Variants in SRGAP3 observed in about 807,000 individuals in gnomAD.
SRGAP3 encodes SLIT-ROBO Rho GTPase-activating protein 3.
A neutral mutation model predicts 121.1 loss-of-function variants in SRGAP3; 39 were observed. The observed-to-expected ratio is 0.32, with a 90% CI of 0.25 to 0.42. The LOEUF is 0.42. SRGAP3 is among the 10% of genes least tolerant of loss of function. SRGAP3 has a pLI of 1.00. For synonymous variants in SRGAP3, 601 were observed against 570.0 expected (o/e 1.05, Z -0.77); for missense variants, 1,213 against 1,470.6 (o/e 0.82, Z 2.86).
intron 1 of SRGAP3, among the ~76,000 whole-genome samples, chr3:9,211,127 T>C (rs1952432546): frequency 6.6e-6 from 1 of 152,192 alleles, no homozygotes; most frequent in African/African-American, 2.4e-5. Flanking sequence ...ATTTTCTTAG[T>C]AAGGTGTTGA....
intron 1 of SRGAP3, among the ~76,000 whole-genome samples, chr3:9,127,750 T>G (rs1234286417): frequency 6.6e-6 from 1 of 152,018 alleles, no homozygotes; most frequent in African/African-American, 2.4e-5. Context: ...CCCGGCCTAG[T>G]AAAAATTTTA....
At chr3:9,060,184 GC>G in intron 6 of SRGAP3, 46 bp downstream of exon 6, 1 of 1,613,184 alleles carries the variant, frequency 6.2e-7, no homozygotes, top group Non-Finnish European at 8.5e-7. Flanking sequence ...ACATGTGCCA[GC>G]CCTGGTGTGG....
At chr3:9,213,657 C>T (rs938351177) in intron 1 of SRGAP3, among the ~76,000 whole-genome samples, 1 of 152,234 alleles carries the variant, frequency 6.6e-6, no homozygotes, top group African/African-American at 2.4e-5. Flanking sequence ...TTGGTCCCAT[C>T]ACCTCCCTGT....
At chr3:9,319,754 G>A (rs1429347143) in intron 3 of SRGAP3, among the ~76,000 whole-genome samples, 1 of 151,828 alleles carries the variant, frequency 6.6e-6, no homozygotes, top group Non-Finnish European at 1.5e-5. Context: ...TCAAGAGCTA[G>A]ACCTTATACT....
intron 1 of SRGAP3, among the ~76,000 whole-genome samples, chr3:9,334,177 GA>G (rs1285834213): frequency 3.3e-5 from 5 of 151,930 alleles, no homozygotes; most frequent in Admixed American, 3.3e-4. Flanking sequence ...AACTTCCTAT[GA>G]ATATATAATT....
intron 18 of SRGAP3, among the ~76,000 whole-genome samples, chr3:8,995,190 G>A (rs1942315934): frequency 6.6e-6 from 1 of 152,186 alleles, no homozygotes; most frequent in Non-Finnish European, 1.5e-5. Flanking sequence ...GAGGAGCAGA[G>A]GCTGGGCGTG....
At chr3:9,100,894 T>C (rs952443874) in intron 3 of SRGAP3, among the ~76,000 whole-genome samples, 1 of 152,134 alleles carries the variant, frequency 6.6e-6, no homozygotes, top group Non-Finnish European at 1.5e-5. Context: ...GCGACTGATA[T>C]GGGGACAGAA....
intron 1 of SRGAP3, chr3:9,348,952 TC>T: frequency 1.1e-6 from 1 of 942,794 alleles, no homozygotes; most frequent in Non-Finnish European, 1.8e-6. Flanking sequence ...AAGAAATAGT[TC>T]CCCAGATCAA....
intron 3 of SRGAP3, among the ~76,000 whole-genome samples, chr3:9,295,536 G>A (rs1421228311): frequency 6.6e-6 from 1 of 152,140 alleles, no homozygotes; most frequent in Non-Finnish European, 1.5e-5. Flanking sequence ...TAAAATGACA[G>A]CAAAGGCATA....
At chr3:9,312,988 T>A (rs1487728730) in intron 3 of SRGAP3, among the ~76,000 whole-genome samples, 1 of 151,946 alleles carries the variant, frequency 6.6e-6, no homozygotes, top group Non-Finnish European at 1.5e-5. Context: ...CGAGACTTTG[T>A]CTCTAAAAAT....
At chr3:9,059,833 G>A (rs1946046844) in intron 6 of SRGAP3, 1 of 306,594 alleles carries the variant, frequency 3.3e-6, no homozygotes, top group African/African-American at 2.2e-5. Context: ...GTGGCCCTAG[G>A]GGCGCCAAAC....
chr3:8,990,460 G>C lies in SRGAP3; in HGVS notation c.2886+52C>G, dbSNP rs1941968832. On this transcript the variant is annotated intron_variant, in intron 21 of 21. Coordinates refer to ENST00000383836, the MANE Select transcript of SRGAP3 (RefSeq NM_014850.4). ...CTCCCCGCTCCACGGATTCCCACCC[G>C]CTGCCCTCTGGGGCTTTTGGCTGCC... 3.2e-6 allele frequency: 5 copies of C among 1,546,232 alleles called. No individual in the cohort carries two copies. In the Admixed American group the frequency reaches 9.8e-5, roughly 30 times the overall value.
At chr3:9,280,485 G>C (rs958705150) in intron 3 of SRGAP3, among the ~76,000 whole-genome samples, 1 of 152,204 alleles carries the variant, frequency 6.6e-6, no homozygotes, top group Non-Finnish European at 1.5e-5. Context: ...TGGCAACTGG[G>C]GAAACTACTG....
At chr3:9,208,859 C>A (rs1952350231) in intron 1 of SRGAP3, among the ~76,000 whole-genome samples, 3 of 152,192 alleles carry the variant, frequency 2.0e-5, no homozygotes, top group Admixed American at 6.5e-5. Context: ...CTGCCTATCT[C>A]CAGCGTTATT....
chr3:9,040,738 T>C (rs187809024), intron 10 of SRGAP3, among the ~76,000 whole-genome samples: 1 of 152,276 alleles, frequency 6.6e-6, no homozygotes, highest in Non-Finnish European at 1.5e-5. Flanking sequence ...TATTTTTTTC[T>C]AGTAGAGATG....
intron 6 of SRGAP3, 131 bp downstream of exon 6, chr3:9,060,100 G>A (rs1946066065): frequency 3.5e-6 from 5 of 1,430,564 alleles, no homozygotes; most frequent in Non-Finnish European, 4.9e-6. Context: ...TTCCCCTCCA[G>A]CAGGGCTCAA....
chr3:9,324,852 G>C (rs529433889), intron 3 of SRGAP3, among the ~76,000 whole-genome samples: 3 of 151,806 alleles, frequency 2.0e-5, no homozygotes, highest in Non-Finnish European at 4.4e-5. Context: ...AGCTACTTGG[G>C]AGGCTGAGGC....
At chr3:9,246,922 T>C (rs1426081797) in intron 1 of SRGAP3, among the ~76,000 whole-genome samples, 1 of 152,194 alleles carries the variant, frequency 6.6e-6, no homozygotes, top group African/African-American at 2.4e-5. Flanking sequence ...CTCAGGGTAC[T>C]CGCTGCTTAG....
chr3:9,001,410 A>G (rs188344968), intron 18 of SRGAP3, among the ~76,000 whole-genome samples: 3 of 152,374 alleles, frequency 2.0e-5, no homozygotes, highest in Non-Finnish European at 4.4e-5. Context: ...AAATAACTCA[A>G]AAATATAGTG....
Sources: allele counts gnomAD v4.1 joint callset (sites outside exome capture counted in the v4.1 genomes callset), GRCh38; gene constraint gnomAD v4.1.1; transcripts MANE v1.5; gene names NCBI Gene and HGNC (gene_info 2026-07-23, HGNC 2026-07-21).